Variants in ASB14 observed in about 807,000 individuals in gnomAD.
The protein encoded by ASB14 is ankyrin repeat and SOCS box protein 14.
Under a neutral mutation model 55.6 loss-of-function variants are expected in ASB14, and 63 were observed. The ratio of observed to expected loss-of-function variants is 1.13; its 90% CI spans 0.92 to 1.40. The LOEUF (loss-of-function observed/expected upper bound fraction) is 1.40. Ranked by LOEUF, ASB14 falls within the 40% of genes most tolerant of loss-of-function variation. ASB14 has a pLI of 0.00. For synonymous variants in ASB14, 256 were observed against 259.9 expected, an observed-to-expected ratio of 0.98 and a Z score of 0.15; for missense variants, 724 against 710.4, an observed-to-expected ratio of 1.02 and a Z score of -0.22.
At chr3:57,271,945 G>C (rs1002470206) in intron 10 of ASB14, 1 of 152,198 alleles carries the variant, frequency 6.6e-6, no homozygotes, top group Non-Finnish European at 1.5e-5. Flanking sequence ...TTAAGTATCT[G>C]TTTTAATAAG....
At chr3:57,292,443 AAAT>A (rs2061141289) in intron 1 of ASB14, among the ~76,000 whole-genome samples, 187 bp downstream of exon 1, 4 of 152,342 alleles carry the variant, frequency 2.6e-5, no homozygotes, top group African/African-American at 4.8e-5. Flanking sequence ...GTGATGCTGA[AAAT>A]AATATTTTAC....
In ASB14 at chr3:57,289,062, A is replaced by G. The variant is rs1393369898; in HGVS notation, c.178+6T>C. Reference sequence around the variant, plus strand: ...ACCACAAGTTAAAGGGGATAGGAGTACTTAACTTTCTCTATTGTTTCAACT... The same window carrying G: ...ACCACAAGTTAAAGGGGATAGGAGTGCTTAACTTTCTCTATTGTTTCAACT... On this transcript the variant is annotated splice_donor_region_variant and intron_variant, in intron 3 of 10. Coordinates refer to ENST00000487349, the MANE Select transcript of ASB14 (RefSeq NM_001142733.3). 1.3e-6 allele frequency: 2 copies of G among 1,511,564 alleles called. No homozygotes were observed. Among genetic ancestry groups the G allele is most frequent in the Non-Finnish European group, 8.9e-7 (1 of 1,123,724 alleles). The allele number at this position is 1,511,564 out of a possible 1,614,324, so 93.6% of individuals were successfully genotyped here.
rs2061003267 is a variant in ASB14 at position 57,277,904 on chromosome 3, G to A, written c.1448C>T (p.Thr483Ile). ...IKDTKFCEVITLSWLQHLSGK... is the reference protein window; with the variant it reads ...IKDTKFCEVIILSWLQHLSGK... Reference sequence around the variant, plus strand: ...AGAGAGATGTTGCAGCCATGACAAAGTTATTACTTCACAGAACTGAGGGAA... The same window carrying A: ...AGAGAGATGTTGCAGCCATGACAAAATTATTACTTCACAGAACTGAGGGAA... Residue 483 changes from threonine to isoleucine, a missense_variant, in exon 9 of 11, where the codon ACT (threonine) becomes ATT (isoleucine). By Grantham distance (89) the Thr-to-Ile change is moderately conservative. Transcript: ENST00000487349. 1 of 1,612,294 alleles carries A rather than the reference G, an allele frequency of 6.2e-7. No homozygotes were observed. The highest frequency in any genetic ancestry group is 1.1e-5 in the South Asian group (1 of 90,518).
intron 10 of ASB14, among the ~76,000 whole-genome samples, chr3:57,274,422 C>T (rs1425950651): frequency 6.6e-6 from 1 of 152,218 alleles, no homozygotes; most frequent in African/African-American, 2.4e-5. Context: ...CTGGCTCATG[C>T]CTGTAATCCC....
At chr3:57,273,174 G>T (rs1382418915) in intron 10 of ASB14, 2 of 152,584 alleles carry the variant, frequency 1.3e-5, no homozygotes, top group Non-Finnish European at 2.9e-5. Context: ...TAACTAATAT[G>T]CAAAATTGCT....
At chr3:57,275,795 A>C (rs576373518) in intron 10 of ASB14, among the ~76,000 whole-genome samples, 1 of 152,340 alleles carries the variant, frequency 6.6e-6, no homozygotes, top group Non-Finnish European at 1.5e-5. Context: ...CTCCCGGGCT[A>C]CAAGCCTGTA....
At chr3:57,282,969 AC>A (rs2061050830) in intron 6 of ASB14, among the ~76,000 whole-genome samples, 1 of 152,204 alleles carries the variant, frequency 6.6e-6, no homozygotes. Context: ...TGTTAAGTAA[AC>A]GTAACCTGCA....
intron 5 of ASB14, among the ~76,000 whole-genome samples, chr3:57,283,994 G>A (rs975559124): frequency 6.6e-6 from 1 of 151,874 alleles, no homozygotes; most frequent in African/African-American, 2.4e-5. Context: ...ACACACCAAA[G>A]TATGTTGTAT....
At chr3:57,288,084 C>A in intron 4 of ASB14, 25 bp from the exon 5 acceptor site, 2 of 1,535,970 alleles carry the variant, frequency 1.3e-6, no homozygotes, top group Non-Finnish European at 1.7e-6. Context: ...TCATACCACA[C>A]AAATTAAGAT....
Position 57,289,127 on chromosome 3 carries a change from C to G in ASB14, c.123-4G>C. 2.6e-6 allele frequency: 4 copies of G among 1,521,036 alleles called. No individual in the cohort carries two copies. Among genetic ancestry groups the G allele is most frequent in the Non-Finnish European group, 3.5e-6 (4 of 1,133,672 alleles). The allele number at this position is 1,521,036 out of a possible 1,614,324, so 94.2% of individuals were successfully genotyped here. On this transcript the variant is annotated splice_polypyrimidine_tract_variant and splice_region_variant and intron_variant, in intron 2 of 10. Transcript: ENST00000487349. Reference sequence around the variant, plus strand: ...AGCGCTCAAAAAGGAATGCAAACTGCAAAGAAAAAAATACATATGTAATTC... The same window carrying G: ...AGCGCTCAAAAAGGAATGCAAACTGGAAAGAAAAAAATACATATGTAATTC...
chr3:57,281,066 T>TA (rs200832300), intron 6 of ASB14, among the ~76,000 whole-genome samples: 55 of 149,644 alleles, frequency 3.7e-4, no homozygotes, highest in Non-Finnish European at 2.2e-4. Context: ...TCAGGGTTTT[T>TA]AAAAAAAATA....
intron 5 of ASB14, among the ~76,000 whole-genome samples, chr3:57,285,496 C>T (rs946284065): frequency 1.1e-4 from 17 of 152,078 alleles, no homozygotes; most frequent in African/African-American, 3.9e-4. Flanking sequence ...CCTGTCCCCA[C>T]CACATGTGCA....
Position 57,281,468 on chromosome 3 carries a change from C to T in ASB14, c.716-995G>A, listed in dbSNP as rs573984674. Among the ~76,000 whole-genome samples the T allele has an allele frequency of 1.1e-3, 167 of 152,070 alleles. 1 individual carries two copies. In the Middle Eastern group the frequency reaches 0.014, roughly 12 times the overall value. ...GTAGCATTTGAATGGACAAAAGTTA[C>T]GGAGAGCATTCTGAAGCTCATATAA... On this transcript the variant is annotated intron_variant, in intron 6 of 10. Transcript: ENST00000487349.
chr3:57,269,936 C>T (rs1023561250), intron 10 of ASB14: 2 of 295,506 alleles, frequency 6.8e-6, no homozygotes, highest in Non-Finnish European at 1.2e-5. Flanking sequence ...CTGAAGCAGA[C>T]TGCTGAGGAA....
intron 10 of ASB14, chr3:57,270,555 A>G (rs1389571977): frequency 6.6e-6 from 1 of 152,660 alleles, no homozygotes; most frequent in Non-Finnish European, 1.5e-5. Flanking sequence ...AATAGTTTTT[A>G]TTGAAAGTCA....
At chr3:57,272,183 T>C (rs1346050619) in intron 10 of ASB14, 1 of 152,240 alleles carries the variant, frequency 6.6e-6, no homozygotes, top group African/African-American at 2.4e-5. Context: ...CAATGCATTC[T>C]GTTACCTATT....
chr3:57,269,625 A>G lies in ASB14; in HGVS notation c.*23-7T>C, dbSNP rs1289513961. The G allele has an allele frequency of 1.9e-6, 3 of 1,614,146 alleles. No homozygotes were observed. Among genetic ancestry groups the G allele is most frequent in the Non-Finnish European group, 8.5e-7 (1 of 1,180,002 alleles). On this transcript the variant is annotated splice_region_variant and splice_polypyrimidine_tract_variant and intron_variant, in intron 10 of 10. Transcript: ENST00000487349. ...TGAGGGGCAGTTTGTTGTCCTTAGCAGTAGCCAGTCAGAAGAGAGTGATTT... is the reference window on the plus strand; with the variant it reads ...TGAGGGGCAGTTTGTTGTCCTTAGCGGTAGCCAGTCAGAAGAGAGTGATTT...
At chr3:57,282,978 G>A (rs1475148146) in intron 6 of ASB14, among the ~76,000 whole-genome samples, 1 of 152,136 alleles carries the variant, frequency 6.6e-6, no homozygotes, top group Non-Finnish European at 1.5e-5. Flanking sequence ...AACGTAACCT[G>A]CATCCTAGTA....
rs765531103 is a variant in ASB14, at chr3:57,278,677, AC to A, written c.1130del (p.Ser377MetfsTer16). 4.3e-6 allele frequency: 7 copies of A among 1,614,050 alleles called. No individual in the cohort carries two copies. The highest frequency in any genetic ancestry group is 8.5e-7 in the Non-Finnish European group (1 of 1,180,042). On this transcript the variant is annotated frameshift_variant, in exon 8 of 11. Coordinates refer to ENST00000487349, the MANE Select transcript of ASB14 (RefSeq NM_001142733.3). LOFTEE classifies it high-confidence loss of function. Reference protein sequence around the residue: ...SDLSSVKLLLSAGALPNQDPV... With the variant: ...SDLSSVKLLLXAGALPNQDPV... ...GGTCTTGATTAGGCAGAGCTCCAGC[AC>A]TCAGAAGCAGCTTGACTGAAGAGAG...
Sources: gnomAD v4.1 joint callset for allele counts (sites outside exome capture counted in the v4.1 genomes callset) on GRCh38, gnomAD v4.1.1 for gene constraint, MANE v1.5 for transcripts, NCBI Gene and HGNC (gene_info 2026-07-23, HGNC 2026-07-21) for gene names.